Variants in PIK3C3 observed in about 807,000 individuals in gnomAD.
PIK3C3 encodes PI3-kinase type 3.
In PIK3C3, 95 loss-of-function variants were observed where a neutral mutation model predicts 126.1. The ratio of observed to expected loss-of-function variants is 0.75; its 90% CI spans 0.64 to 0.89. PIK3C3 has a LOEUF of 0.89. PIK3C3 is among the 40% of genes least tolerant of loss of function. The probability of loss-of-function intolerance (pLI) is 0.00; values close to 1 mark genes in which losing one functional copy is unlikely to be tolerated. For missense variants in PIK3C3, 829 were observed against 1,063.2 expected (o/e 0.78, Z 3.06); for synonymous variants, 374 against 360.0 (o/e 1.04, Z -0.44).
chr18:42,028,086 A>G (rs1983655192), intron 14 of PIK3C3, among the ~76,000 whole-genome samples: 1 of 152,186 alleles, frequency 6.6e-6, no homozygotes, highest in Non-Finnish European at 1.5e-5. Context: ...TATATTGTCT[A>G]TGGATACTTT....
intron 3 of PIK3C3, among the ~76,000 whole-genome samples, chr18:41,968,007 G>A (rs1233978093): frequency 6.6e-6 from 1 of 152,174 alleles, no homozygotes; most frequent in Admixed American, 6.5e-5. Context: ...TGGAGGCTGT[G>A]TAACTCTGCA....
At chr18:42,015,619 A>AT in intron 12 of PIK3C3, 53 bp downstream of exon 12, 1 of 1,202,124 alleles carries the variant, frequency 8.3e-7, no homozygotes, top group Non-Finnish European at 1.2e-6. Flanking sequence ...CTGCATGAAC[A>AT]TTTTATACTT....
At chr18:42,054,045 T>G (rs1350211387) in intron 21 of PIK3C3, among the ~76,000 whole-genome samples, 4 of 148,368 alleles carry the variant, frequency 2.7e-5, no homozygotes, top group Non-Finnish European at 6.0e-5. Flanking sequence ...AAAATGGTTA[T>G]TCTTATTTTT....
intron 22 of PIK3C3, among the ~76,000 whole-genome samples, chr18:42,064,140 C>T (rs968019342): frequency 6.6e-6 from 1 of 152,184 alleles, no homozygotes; most frequent in African/African-American, 2.4e-5. Flanking sequence ...CCAGCATACT[C>T]TGAAGATATC....
At chr18:42,010,655 G>A (rs542828800) in intron 10 of PIK3C3, among the ~76,000 whole-genome samples, 3 of 152,192 alleles carry the variant, frequency 2.0e-5, no homozygotes, top group South Asian at 4.1e-4. Context: ...CACTGAAGTC[G>A]TCAGCCCCTC....
chr18:42,079,047 T>C (rs1023279047), intron 24 of PIK3C3, among the ~76,000 whole-genome samples: 2 of 152,228 alleles, frequency 1.3e-5, no homozygotes, highest in Admixed American at 6.5e-5. Context: ...CATTTTAATT[T>C]CCTTCAAGAA....
At position 42,053,570 on chromosome 18, in the gene PIK3C3, G is replaced by A. The variant is rs986535269; in HGVS notation, c.2263+3965G>A. ...CTTTGGACAAGAAATTACAAAGCTAGGCTGTGGTGTGGAGTTGAAAAATAA... is the reference window on the plus strand; with the variant it reads ...CTTTGGACAAGAAATTACAAAGCTAAGCTGTGGTGTGGAGTTGAAAAATAA... On this transcript the variant is annotated intron_variant, in intron 21 of 24. Transcript: ENST00000262039. Among the ~76,000 whole-genome samples the A allele has an allele frequency of 2.6e-5, 4 of 152,204 alleles. No homozygotes were observed. The East Asian group carries it at 7.7e-4, about 29-fold the overall frequency.
chr18:41,971,001 A>G (rs1324415277), intron 4 of PIK3C3: 1 of 154,594 alleles, frequency 6.5e-6, no homozygotes, highest in Non-Finnish European at 1.4e-5. Context: ...TGACTCAGAC[A>G]ATTAACTAGT....
In PIK3C3 at chr18:41,956,443, A is replaced by C. The variant is rs563336687; in HGVS notation, c.68+1084A>C. 1.6e-4 allele frequency among the ~76,000 whole-genome samples: 24 copies of C among 152,282 alleles called. No homozygotes were observed. In the South Asian group the frequency reaches 4.6e-3, roughly 29 times the overall value. The stretch of plus-strand genomic sequence containing the variant: ...AGTTTATACAGGATCAATATTGATA[A>C]AGGGCTTTCCTTCAGCTTGATGCTC... On this transcript the variant is annotated intron_variant, in intron 1 of 24. Coordinates refer to ENST00000262039, the MANE Select transcript of PIK3C3 (RefSeq NM_002647.4).
chr18:41,998,118 C>G (rs1393361404), intron 9 of PIK3C3, among the ~76,000 whole-genome samples: 1 of 152,098 alleles, frequency 6.6e-6, no homozygotes, highest in Non-Finnish European at 1.5e-5. Context: ...AACTCTTCAG[C>G]TTTTCTGCTT....
At chr18:41,984,144 T>G (rs1453985028) in intron 4 of PIK3C3, among the ~76,000 whole-genome samples, 1 of 152,124 alleles carries the variant, frequency 6.6e-6, no homozygotes, top group Non-Finnish European at 1.5e-5. Flanking sequence ...AAACAGTTTG[T>G]CCTACTTTTA....
At chr18:42,068,762 AAC>A (rs2144522567) in intron 24 of PIK3C3, among the ~76,000 whole-genome samples, 1 of 152,160 alleles carries the variant, frequency 6.6e-6, no homozygotes, top group East Asian at 1.9e-4. Context: ...CATCCTGACT[AAC>A]ACAGTGAAAC....
At chr18:42,073,655 T>C (rs770214689) in intron 24 of PIK3C3, among the ~76,000 whole-genome samples, 1 of 152,144 alleles carries the variant, frequency 6.6e-6, no homozygotes, top group Non-Finnish European at 1.5e-5. Flanking sequence ...GAAAAGCTTC[T>C]GATTTTGGAC....
intron 6 of PIK3C3, 66 bp from the exon 7 acceptor site, chr18:41,993,204 A>T (rs1187308855): frequency 1.0e-5 from 9 of 869,160 alleles, no homozygotes; most frequent in Non-Finnish European, 5.6e-6. Context: ...ATTGATGTGT[A>T]CATCATATAC....
chr18:42,067,634 T>C lies in PIK3C3; in HGVS notation c.2649+121T>C, dbSNP rs1028016015. The C allele has an allele frequency of 1.3e-5, 14 of 1,052,028 alleles. No homozygotes were observed. The Admixed American group carries it at 2.8e-4, about 21-fold the overall frequency. 65.2% of individuals were successfully genotyped at this position (1,052,028 alleles called of 1,614,324 possible). The stretch of plus-strand genomic sequence containing the variant: ...TTTTCTGTTTTTCTATCAAGTCGTT[T>C]TGACATCTCACCAGCCAGCTGAAGT... On this transcript the variant is annotated intron_variant, in intron 24 of 24. Transcript: ENST00000262039.
intron 10 of PIK3C3, 32 bp from the exon 11 acceptor site, chr18:42,013,410 C>A: frequency 7.7e-7 from 1 of 1,303,098 alleles, no homozygotes; most frequent in Non-Finnish European, 1.0e-6. Context: ...CATTCTTTTC[C>A]TAATATTACT....
At chr18:42,010,742 G>A (rs1982784068) in intron 10 of PIK3C3, among the ~76,000 whole-genome samples, 1 of 152,112 alleles carries the variant, frequency 6.6e-6, no homozygotes, top group Non-Finnish European at 1.5e-5. Flanking sequence ...CCCCCATGAA[G>A]CTCAAATGTT....
intron 10 of PIK3C3, among the ~76,000 whole-genome samples, chr18:42,007,883 C>CT (rs1202530029): frequency 6.6e-6 from 1 of 152,070 alleles, no homozygotes; most frequent in Admixed American, 6.6e-5. Context: ...TGTGGGTACG[C>CT]TTTTAGTATT....
chr18:42,020,542 A>G, intron 12 of PIK3C3, 96 bp from the exon 13 acceptor site: 1 of 718,342 alleles, frequency 1.4e-6, no homozygotes, highest in Non-Finnish European at 2.4e-6. Flanking sequence ...TACATAAGAT[A>G]TACAGATGAA....
Sources: gnomAD v4.1 joint callset for allele counts (sites outside exome capture counted in the v4.1 genomes callset) on GRCh38, gnomAD v4.1.1 for gene constraint, MANE v1.5 for transcripts, NCBI Gene and HGNC (gene_info 2026-07-23, HGNC 2026-07-21) for gene names.